Variants in FKBP8 observed in about 807,000 individuals in gnomAD.
FKBP8 encodes FKBP prolyl isomerase 8, also known as peptidyl-prolyl cis-trans isomerase FKBP8.
Under a neutral mutation model 41.7 loss-of-function variants are expected in FKBP8, and 5 were observed. The ratio of observed to expected loss-of-function variants is 0.12; its 90% CI spans 0.06 to 0.25. The LOEUF (loss-of-function observed/expected upper bound fraction) is 0.25. Among genes scored for constraint, FKBP8 ranks in the 10% least tolerant of loss-of-function variants. The pLI is 1.00. For missense variants in FKBP8, 397 were observed against 563.0 expected (o/e 0.71, Z 2.98); for synonymous variants, 279 against 254.5 (o/e 1.10, Z -0.92).
chr19:18,535,635 G>A (rs375737529), intron 6 of FKBP8, among the ~76,000 whole-genome samples: 3 of 151,484 alleles, frequency 2.0e-5, no homozygotes, highest in African/African-American at 7.3e-5. Context: ...GGCTGGATGT[G>A]CTCGCTTGAA....
intron 4 of FKBP8, among the ~76,000 whole-genome samples, chr19:18,539,052 G>A (rs1241811353): frequency 6.9e-6 from 1 of 144,512 alleles, no homozygotes. Context: ...CTGACCTCAT[G>A]ATCCACCCGC....
rs1253279045 is a variant in FKBP8 at position 18,541,998 on chromosome 19, G to A, written c.-25-3C>T. 3 of 1,604,906 alleles carry A rather than the reference G, an allele frequency of 1.9e-6. No individual in the cohort carries two copies. The highest frequency in any genetic ancestry group is 2.6e-6 in the Non-Finnish European group (3 of 1,175,098). ...TGCTGGGGGGACAGGAATTGGCCCT[G>A]GAAGTGGGGGGCAGAGATGTGGGTC... is the stretch of plus-strand genomic sequence containing the variant. On this transcript the variant is annotated splice_region_variant and splice_polypyrimidine_tract_variant and intron_variant, in intron 1 of 8. Transcript: ENST00000608443.
intron 6 of FKBP8, among the ~76,000 whole-genome samples, chr19:18,535,804 TGA>T (rs1976561349): frequency 6.6e-6 from 1 of 151,294 alleles, no homozygotes; most frequent in African/African-American, 2.4e-5. Flanking sequence ...ATGGTCACCC[TGA>T]GAGAGGAGCC....
At chr19:18,542,898 C>A in intron 1 of FKBP8, 1 of 1,283,314 alleles carries the variant, frequency 7.8e-7, no homozygotes, top group Non-Finnish European at 1.0e-6. Context: ...CTGCCTGCTC[C>A]TCCCGGGCTC....
In FKBP8 at chr19:18,538,014, A is replaced by G; in HGVS notation, c.772+202T>C. 2.9e-6 allele frequency: 2 copies of G among 680,510 alleles called. No individual in the cohort carries two copies. Among genetic ancestry groups the G allele is most frequent in the South Asian group, 3.8e-5 (2 of 52,340 alleles). 42.2% of individuals were successfully genotyped at this position (680,510 alleles called of 1,614,324 possible). On this transcript the variant is annotated intron_variant, in intron 5 of 8. Transcript: ENST00000608443. The surrounding 1 kb of genome is among the most constrained non-coding windows in gnomAD (Gnocchi z 4.0). The stretch of plus-strand genomic sequence containing the variant: ...CTATGGTCACCCCATCCCCATATCC[A>G]CTTGCATTCTACAACACTCCACTGG...
rs577977094 is a variant in FKBP8 at position 18,531,771 on chromosome 19, G to A, written c.*398C>T. On this transcript the variant is annotated 3_prime_UTR_variant, in exon 9 of 9. Transcript: ENST00000608443. The stretch of plus-strand genomic sequence containing the variant: ...CAGGAGTCCGTGGAAACTGCAGGGT[G>A]GGATGCTTTATTTCACTGTGGCGGG... 1.3e-3 allele frequency: 266 copies of A among 211,950 alleles called. No individual in the cohort carries two copies. Among genetic ancestry groups the A allele is most frequent in the African/African-American group, 4.1e-3 (181 of 44,424 alleles). 13.1% of individuals were successfully genotyped at this position (211,950 alleles called of 1,614,324 possible).
intron 2 of FKBP8, among the ~76,000 whole-genome samples, chr19:18,540,896 AT>A (rs1416142225): frequency 6.6e-6 from 1 of 151,796 alleles, no homozygotes; most frequent in Non-Finnish European, 1.5e-5. Flanking sequence ...AAGTAGTAAG[AT>A]TTTTATCAGT....
chr19:18,532,867 A>C, intron 7 of FKBP8, 72 bp from the exon 8 acceptor site: 2 of 1,574,754 alleles, frequency 1.3e-6, no homozygotes, highest in Non-Finnish European at 1.7e-6. Context: ...CCTTACTGGG[A>C]CCCTAGGCTG....
chr19:18,535,990 T>A (rs1976566476), intron 6 of FKBP8: 1 of 151,668 alleles, frequency 6.6e-6, no homozygotes, highest in Admixed American at 6.6e-5. Flanking sequence ...AACCAGCAGG[T>A]CCAAACTTGT....
rs1976461923 is a variant in FKBP8 at position 18,532,106 on chromosome 19, G to A, written c.*63C>T. ...GGAGGGCAGTGGACAGGGAGCCTGGGGGAGTTGGGGAGCGCAGGGCAGGGT... is the reference window on the plus strand; with the variant it reads ...GGAGGGCAGTGGACAGGGAGCCTGGAGGAGTTGGGGAGCGCAGGGCAGGGT... On this transcript the variant is annotated 3_prime_UTR_variant, in exon 9 of 9. Coordinates refer to ENST00000608443, the MANE Select transcript of FKBP8 (RefSeq NM_012181.5). The A allele has an allele frequency of 2.1e-6, 3 of 1,395,604 alleles. No homozygotes were observed. The Admixed American group carries it at 5.9e-5, about 27-fold the overall frequency. The allele number at this position is 1,395,604 out of a possible 1,614,324, so 86.5% of individuals were successfully genotyped here. A position where few individuals can be genotyped will look rare whatever the true frequency, so the allele number is the denominator to read the frequency against.
Position 18,532,062 on chromosome 19 carries a change from G to A in FKBP8, c.*107C>T, listed in dbSNP as rs1344580235. The A allele has an allele frequency of 5.0e-6, 5 of 1,000,306 alleles. No homozygotes were observed. The highest frequency in any genetic ancestry group is 7.6e-6 in the Non-Finnish European group (5 of 653,780). 62.0% of individuals were successfully genotyped at this position (1,000,306 alleles called of 1,614,324 possible). ...CCCCAATCCTTGCTCCCCTAACCCG[G>A]AGGAGGGGGCCAGACCAGGGAGGGC... On this transcript the variant is annotated 3_prime_UTR_variant, in exon 9 of 9. Coordinates refer to ENST00000608443, the MANE Select transcript of FKBP8 (RefSeq NM_012181.5).
chr19:18,534,472 G>A (rs868084284), intron 6 of FKBP8, among the ~76,000 whole-genome samples: 1 of 152,146 alleles, frequency 6.6e-6, no homozygotes, highest in Non-Finnish European at 1.5e-5. Context: ...CCCGCAACAT[G>A]CTCCTCCTTC....
At chr19:18,533,732 C>T (rs1448511136) in intron 6 of FKBP8, among the ~76,000 whole-genome samples, 3 of 150,386 alleles carry the variant, frequency 2.0e-5, no homozygotes, top group Admixed American at 6.6e-5. Context: ...AAGGGTCGGG[C>T]GCAGTGGCTC....
At chr19:18,535,215 C>A (rs1303638081) in intron 6 of FKBP8, among the ~76,000 whole-genome samples, 2 of 152,020 alleles carry the variant, frequency 1.3e-5, no homozygotes, top group South Asian at 2.1e-4. Context: ...CCACCACGCC[C>A]AGCCCTTAAT....
rs545937113 is a variant in FKBP8 at position 18,535,622 on chromosome 19, A to G, written c.945+1979T>C. On this transcript the variant is annotated intron_variant, in intron 6 of 8. Transcript: ENST00000608443. ...CCCCGTCTATACTAAAAATACAAAAAAAGGCTGGATGTGCTCGCTTGAACC... is the reference window on the plus strand; with the variant it reads ...CCCCGTCTATACTAAAAATACAAAAGAAGGCTGGATGTGCTCGCTTGAACC... 1.1e-4 allele frequency among the ~76,000 whole-genome samples: 16 copies of G among 151,962 alleles called. 1 individual carries two copies. The South Asian group carries it at 2.3e-3, about 22-fold the overall frequency.
intron 8 of FKBP8, 79 bp downstream of exon 8, chr19:18,532,585 C>A: frequency 6.4e-7 from 1 of 1,564,116 alleles, no homozygotes; most frequent in Non-Finnish European, 8.7e-7. Context: ...TCTCCGAGGA[C>A]ATCCATGTAT....
At chr19:18,536,707 T>A (rs1188343131) in intron 6 of FKBP8, among the ~76,000 whole-genome samples, 1 of 152,188 alleles carries the variant, frequency 6.6e-6, no homozygotes, top group East Asian at 1.9e-4. Context: ...CTGGCCCTGT[T>A]TGCAAGGCTG....
Position 18,538,139 on chromosome 19 carries a change from C to G in FKBP8, c.772+77G>C. ...TCTAGAATATTCTGAGTCTGAGGCTCTCTGGGGCTGGAAGTTTCTGGCACG... is the reference window on the plus strand; with the variant it reads ...TCTAGAATATTCTGAGTCTGAGGCTGTCTGGGGCTGGAAGTTTCTGGCACG... On this transcript the variant is annotated intron_variant, in intron 5 of 8. Coordinates refer to ENST00000608443, the MANE Select transcript of FKBP8 (RefSeq NM_012181.5). The surrounding 1 kb of genome is among the most constrained non-coding windows in gnomAD (Gnocchi z 4.0). 6.9e-7 allele frequency: 1 copy of G among 1,443,360 alleles called. No individual in the cohort carries two copies. Among genetic ancestry groups the G allele is most frequent in the Non-Finnish European group, 9.5e-7 (1 of 1,053,462 alleles). 89.4% of individuals were successfully genotyped at this position (1,443,360 alleles called of 1,614,324 possible).
intron 1 of FKBP8, chr19:18,542,320 AT>A (rs1314583486): frequency 7.9e-6 from 2 of 252,864 alleles, no homozygotes; most frequent in Admixed American, 5.0e-5. Context: ...GGGCAAAGGC[AT>A]TTGCCCAAGG....
Sources: allele counts gnomAD v4.1 joint callset (sites outside exome capture counted in the v4.1 genomes callset), GRCh38; gene constraint gnomAD v4.1.1; non-coding constraint Gnocchi (gnomAD v3.1); transcripts MANE v1.5; gene names NCBI Gene and HGNC (gene_info 2026-07-23, HGNC 2026-07-21).